Variants in PPM1L observed in about 807,000 individuals in gnomAD.
PPM1L encodes the protein protein phosphatase, Mg2+/Mn2+ dependent 1L.
A neutral mutation model predicts 31.4 loss-of-function variants in PPM1L; 13 were observed. The ratio of observed to expected loss-of-function variants is 0.41; its 90% CI spans 0.27 to 0.66. The LOEUF is 0.66. Ranked by LOEUF, PPM1L falls within the 30% of genes least tolerant of loss-of-function variation. The pLI is 0.29. For synonymous variants in PPM1L, 184 were observed against 175.4 expected, an observed-to-expected ratio of 1.05 and a Z score of -0.39; for missense variants, 326 against 453.7, an observed-to-expected ratio of 0.72 and a Z score of 2.56.
chr3:160,944,813 T>TATATGTTATATATAAC (rs1482095270), intron 1 of PPM1L, among the ~76,000 whole-genome samples: 19 of 15,560 alleles, frequency 1.2e-3, no homozygotes, highest in African/African-American at 3.3e-3. Flanking sequence ...ATATATAACA[T>TATATGTTATATATAAC]ATATATGTTA....
intron 2 of PPM1L, among the ~76,000 whole-genome samples, chr3:161,009,955 T>C (rs1283575448): frequency 2.0e-5 from 3 of 152,190 alleles, no homozygotes; most frequent in Admixed American, 1.3e-4. Context: ...GAAGTAGTTG[T>C]TTCAACTCCA....
intron 1 of PPM1L, among the ~76,000 whole-genome samples, chr3:160,760,929 G>C (rs552569874): frequency 5.9e-4 from 90 of 152,270 alleles, no homozygotes; most frequent in African/African-American, 1.9e-3. Flanking sequence ...CATTTTGCAT[G>C]AGGGAGAAGC....
chr3:161,059,846 C>T (rs1312389902), intron 2 of PPM1L, among the ~76,000 whole-genome samples: 4 of 152,082 alleles, frequency 2.6e-5, no homozygotes, highest in African/African-American at 9.7e-5. Flanking sequence ...CCCCCACCCA[C>T]TTCCTTCTGC....
At chr3:160,961,663 C>A in intron 1 of PPM1L, 73 bp from the exon 2 acceptor site, 1 of 1,360,838 alleles carries the variant, frequency 7.3e-7, no homozygotes. Context: ...CTCTATAGCA[C>A]CTGAGGGTAA....
rs538803998 is a variant in PPM1L, at chr3:160,944,783, T to TAA, written c.400-16953_400-16952insAA. The stretch of plus-strand genomic sequence containing the variant: ...TATATATAACATGTTATATATTATA[T>TAA]TATATATGTTATATATAACATATAT... On this transcript the variant is annotated intron_variant, in intron 1 of 3. Coordinates refer to ENST00000498165, the MANE Select transcript of PPM1L (RefSeq NM_139245.4). 1.0e-3 allele frequency among the ~76,000 whole-genome samples: 53 copies of TAA among 52,568 alleles called. 5 individuals are homozygous for TAA. Among genetic ancestry groups the TAA allele is most frequent in the African/African-American group, 2.1e-3 (37 of 17,706 alleles). 34.5% of individuals were successfully genotyped at this position (52,568 alleles called of 152,430 possible). A position where few individuals can be genotyped will look rare whatever the true frequency, so the allele number is the denominator to read the frequency against.
At chr3:160,808,383 CTGTGTG>C (rs71912617) in intron 1 of PPM1L, among the ~76,000 whole-genome samples, 19 of 110,358 alleles carry the variant, frequency 1.7e-4, no homozygotes, top group East Asian at 2.3e-4. Flanking sequence ...CAGGATTTTC[CTGTGTG>C]TGTGTGTGTG....
intron 2 of PPM1L, among the ~76,000 whole-genome samples, chr3:161,008,165 C>T (rs1160588422): frequency 3.3e-5 from 5 of 152,164 alleles, no homozygotes; most frequent in Non-Finnish European, 7.3e-5. Flanking sequence ...TCTAACTTTC[C>T]CTCCACCTTT....
chr3:161,003,984 G>C (rs1426755680), intron 2 of PPM1L, among the ~76,000 whole-genome samples: 1 of 148,602 alleles, frequency 6.7e-6, no homozygotes, highest in African/African-American at 2.5e-5. Flanking sequence ...GTTTGTCATA[G>C]ATAGCTCTTA....
intron 1 of PPM1L, among the ~76,000 whole-genome samples, chr3:160,886,298 G>T (rs1419688919): frequency 3.9e-5 from 6 of 152,184 alleles, no homozygotes. Flanking sequence ...AGGAATCTGG[G>T]CAGCCCAGAT....
intron 2 of PPM1L, among the ~76,000 whole-genome samples, chr3:160,983,456 G>A (rs1716866319): frequency 6.6e-6 from 1 of 151,906 alleles, no homozygotes; most frequent in Admixed American, 6.6e-5. Context: ...TAGGGGGTGG[G>A]TAATATGAAA....
intron 1 of PPM1L, among the ~76,000 whole-genome samples, chr3:160,913,371 T>G (rs953071070): frequency 6.6e-6 from 1 of 152,196 alleles, no homozygotes; most frequent in Non-Finnish European, 1.5e-5. Context: ...TTTTTAGTTT[T>G]GTTAGCATGA....
chr3:160,776,442 G>A (rs1711559668), intron 1 of PPM1L, among the ~76,000 whole-genome samples: 1 of 152,110 alleles, frequency 6.6e-6, no homozygotes, highest in Non-Finnish European at 1.5e-5. Flanking sequence ...AACTTCCCTT[G>A]GCAGTGTTGA....
chr3:161,024,107 T>G (rs1428360923), intron 2 of PPM1L, among the ~76,000 whole-genome samples: 1 of 151,642 alleles, frequency 6.6e-6, no homozygotes, highest in African/African-American at 2.4e-5. Context: ...TGAAATTAGC[T>G]GGGCAAAATT....
At chr3:160,935,463 A>T (rs951150876) in intron 1 of PPM1L, among the ~76,000 whole-genome samples, 1 of 152,196 alleles carries the variant, frequency 6.6e-6, no homozygotes, top group Non-Finnish European at 1.5e-5. Flanking sequence ...TAGCATAGTT[A>T]AAAAAGTAGT....
chr3:160,899,382 G>A (rs1177093716), intron 1 of PPM1L, among the ~76,000 whole-genome samples: 3 of 152,122 alleles, frequency 2.0e-5, no homozygotes, highest in African/African-American at 7.2e-5. Flanking sequence ...GAATAAATGT[G>A]AAATGAAGTG....
Position 161,063,702 on chromosome 3 carries a change from A to T in PPM1L, c.575-1701A>T, listed in dbSNP as rs187324839. 4.0e-3 allele frequency among the ~76,000 whole-genome samples: 602 copies of T among 152,334 alleles called. 6 individuals are homozygous for T. The highest frequency in any genetic ancestry group is 0.014 in the African/African-American group (573 of 41,574). On this transcript the variant is annotated intron_variant, in intron 2 of 3. Transcript: ENST00000498165. ...CCAAAGGATTATAAACCATTCTACT[A>T]TAAAGACACATACATACATATGTTT...
chr3:161,005,884 T>C (rs1309660107), intron 2 of PPM1L, among the ~76,000 whole-genome samples: 1 of 151,864 alleles, frequency 6.6e-6, no homozygotes, highest in African/African-American at 2.4e-5. Context: ...TTAGAAGAAA[T>C]CAGGAAGAAA....
At chr3:160,865,600 C>A (rs567671180) in intron 1 of PPM1L, among the ~76,000 whole-genome samples, 42 of 152,254 alleles carry the variant, frequency 2.8e-4, no homozygotes, top group African/African-American at 9.9e-4. Flanking sequence ...CATGGTGAAA[C>A]CCTGTCTCTA....
intron 1 of PPM1L, among the ~76,000 whole-genome samples, chr3:160,797,274 T>C (rs931365599): frequency 3.3e-5 from 5 of 152,166 alleles, no homozygotes; most frequent in African/African-American, 4.8e-5. Flanking sequence ...ACTATTGTTA[T>C]TGTTTTGGGG....
Sources: gnomAD v4.1 joint callset for allele counts (sites outside exome capture counted in the v4.1 genomes callset) on GRCh38, gnomAD v4.1.1 for gene constraint, MANE v1.5 for transcripts, NCBI Gene and HGNC (gene_info 2026-07-23, HGNC 2026-07-21) for gene names.